GIT2: variants seen among roughly 807,000 people sequenced by gnomAD.
GIT2 encodes the protein ARF GTPase-activating protein GIT2.
In GIT2, 32 loss-of-function variants were observed where a neutral mutation model predicts 100.3. The observed-to-expected ratio is 0.32, with a 90% CI of 0.24 to 0.43. The LOEUF (loss-of-function observed/expected upper bound fraction) is 0.43. GIT2 is among the 20% of genes least tolerant of loss of function. The pLI is 1.00. For synonymous variants in GIT2, 353 were observed against 364.1 expected (o/e 0.97, Z 0.35); for missense variants, 737 against 975.1 (o/e 0.76, Z 3.25).
intron 7 of GIT2, among the ~76,000 whole-genome samples, chr12:109,977,517 A>C (rs1246935885): frequency 2.0e-5 from 3 of 152,000 alleles, no homozygotes; most frequent in Non-Finnish European, 4.4e-5. Context: ...TCTCAAAATA[A>C]TAATAATAAT....
At chr12:109,998,483 G>A (rs915559728), upstream of GIT2, 1 of 152,274 alleles carries the variant, frequency 6.6e-6, no homozygotes, top group Non-Finnish European at 1.5e-5. Context: ...CTGAGCTGAA[G>A]CAGCAGCAGA....
intron 4 of GIT2, among the ~76,000 whole-genome samples, chr12:109,984,283 G>A (rs900555884): frequency 2.6e-5 from 4 of 151,978 alleles, no homozygotes; most frequent in Admixed American, 1.3e-4. Context: ...GGTGGCATGC[G>A]CACCTGTAGT....
intron 18 of GIT2, 94 bp downstream of exon 18, chr12:109,938,286 T>A: frequency 1.2e-6 from 1 of 833,630 alleles, no homozygotes; most frequent in Non-Finnish European, 1.9e-6. Flanking sequence ...GAAGTCAGCA[T>A]GCTGGGAATA....
Position 109,948,897 on chromosome 12 carries a change from T to C in GIT2, c.1393-1393A>G, listed in dbSNP as rs1592987971. 7.6e-7 allele frequency: 1 copy of C among 1,323,306 alleles called. No individual in the cohort carries two copies. The highest frequency in any genetic ancestry group is 2.3e-5 in the East Asian group (1 of 43,322). The allele number at this position is 1,323,306 out of a possible 1,614,324, so 82.0% of individuals were successfully genotyped here. On this transcript the variant is annotated intron_variant, in intron 14 of 19. Transcript: ENST00000355312. The surrounding 1 kb of genome is among the most constrained non-coding windows in gnomAD (Gnocchi z 4.3). ...AAATCATGCTACTTTGTCAACTTTA[T>C]GTATATTAAAAACTTTACCCAACTT...
upstream of GIT2, chr12:109,997,391 C>T (rs1455670675): frequency 2.6e-5 from 4 of 151,918 alleles, no homozygotes; most frequent in Non-Finnish European, 5.9e-5. Flanking sequence ...ACAACTTCAA[C>T]AACAACAACA....
intron 12 of GIT2, among the ~76,000 whole-genome samples, chr12:109,956,557 T>C (rs79623188): frequency 0.016 from 2,495 of 152,310 alleles, 37 homozygotes; most frequent in South Asian, 0.053. Context: ...GCTGTATTAA[T>C]TTTGAGGTCA....
At chr12:109,978,122 G>GC (rs1384933428) in intron 7 of GIT2, among the ~76,000 whole-genome samples, 1 of 109,972 alleles carries the variant, frequency 9.1e-6, no homozygotes, top group Non-Finnish European at 1.7e-5. Context: ...TCGCTCTGTT[G>GC]CCCAGGTTGG....
At chr12:109,970,524 A>C (rs972527661) in intron 7 of GIT2, among the ~76,000 whole-genome samples, 6 of 152,046 alleles carry the variant, frequency 3.9e-5, no homozygotes, top group African/African-American at 1.4e-4. Flanking sequence ...AACAACAAAA[A>C]ACTATCCTTC....
rs1871595382 is a variant in GIT2 at position 109,931,300 on chromosome 12, G to C, written c.*1678C>G. ...GACAGCAACATAACACACAGGGTTG[G>C]CCGGCTCCATTACGGGTAAGACTCA... is the stretch of plus-strand genomic sequence containing the variant. On this transcript the variant is annotated 3_prime_UTR_variant, in exon 20 of 20. Coordinates refer to ENST00000355312, the MANE Select transcript of GIT2 (RefSeq NM_057169.5). The C allele has an allele frequency of 6.6e-6, 1 of 152,270 alleles. No individual in the cohort carries two copies. Among genetic ancestry groups the C allele is most frequent in the Non-Finnish European group, 1.5e-5 (1 of 68,112 alleles). 9.4% of individuals were successfully genotyped at this position (152,270 alleles called of 1,614,324 possible).
chr12:109,951,960 G>C (rs1877986174), intron 13 of GIT2, among the ~76,000 whole-genome samples: 1 of 152,176 alleles, frequency 6.6e-6, no homozygotes, highest in Admixed American at 6.5e-5. Context: ...CAGCTAGAGG[G>C]AGCAGGTGTG....
chr12:109,948,782 CA>C lies in GIT2; in HGVS notation c.1393-1279del. The C allele has an allele frequency of 6.3e-7, 1 of 1,589,082 alleles. No individual in the cohort carries two copies. The highest frequency in any genetic ancestry group is 8.5e-7 in the Non-Finnish European group (1 of 1,171,840). Reference sequence around the variant, plus strand: ...CTTTCAATTTTTATTTAGAAAGCACCAATCTGTGAAAAATACACCAATAGTA... The same window carrying C: ...CTTTCAATTTTTATTTAGAAAGCACCATCTGTGAAAAATACACCAATAGTA... On this transcript the variant is annotated intron_variant, in intron 14 of 19. Coordinates refer to ENST00000355312, the MANE Select transcript of GIT2 (RefSeq NM_057169.5). The surrounding 1 kb of genome is among the most constrained non-coding windows in gnomAD (Gnocchi z 4.3).
rs574840246 is a variant in GIT2 at position 109,929,925 on chromosome 12, T to C, written c.*3053A>G. On this transcript the variant is annotated 3_prime_UTR_variant, in exon 20 of 20. Coordinates refer to ENST00000355312, the MANE Select transcript of GIT2 (RefSeq NM_057169.5). ...ACAATAAAAAGTACAGAATAATGAG[T>C]GACAGGGATCAAACACGTTGGAATA... 1.3e-5 allele frequency: 2 copies of C among 152,636 alleles called. No individual in the cohort carries two copies. The highest frequency in any genetic ancestry group is 2.9e-5 in the Non-Finnish European group (2 of 68,016). 9.5% of individuals were successfully genotyped at this position (152,636 alleles called of 1,614,324 possible). A position where few individuals can be genotyped will look rare whatever the true frequency, so the allele number is the denominator to read the frequency against.
At chr12:109,941,305 G>A (rs1874612560) in intron 16 of GIT2, among the ~76,000 whole-genome samples, 1 of 152,146 alleles carries the variant, frequency 6.6e-6, no homozygotes, top group African/African-American at 2.4e-5. Context: ...CAACTTTGAT[G>A]ATCCCTTTGT....
At chr12:109,958,481 G>C (rs532854997) in intron 12 of GIT2, among the ~76,000 whole-genome samples, 9 of 152,082 alleles carry the variant, frequency 5.9e-5, no homozygotes, top group Admixed American at 2.6e-4. Flanking sequence ...GACCTCAAAT[G>C]ATCTGTCCGC....
At chr12:109,957,717 A>G (rs966399461) in intron 12 of GIT2, among the ~76,000 whole-genome samples, 1 of 152,066 alleles carries the variant, frequency 6.6e-6, no homozygotes, top group Non-Finnish European at 1.5e-5. Flanking sequence ...CGTGTTAGCC[A>G]GGATGGTCTC....
In GIT2 at chr12:109,962,398, A is replaced by G. The variant is rs1881319873; in HGVS notation, c.817-713T>C. 6.6e-6 allele frequency among the ~76,000 whole-genome samples: 1 copy of G among 152,220 alleles called. No homozygotes were observed. Among genetic ancestry groups the G allele is most frequent in the South Asian group, 2.1e-4 (1 of 4,834 alleles). On this transcript the variant is annotated intron_variant, in intron 9 of 19. Transcript: ENST00000355312. This position sits in a 1 kb window ranked among gnomAD's most constrained non-coding sequence, Gnocchi z 4.3. ...AAAAGACATGCTGTTTTGAGAGGAT[A>G]AAATGTGCCCTTGCACAAAAACGTG...
chr12:109,965,886 G>T, intron 8 of GIT2: 1 of 460,540 alleles, frequency 2.2e-6, no homozygotes, highest in Non-Finnish European at 4.2e-6. Context: ...AATTTTTGAA[G>T]TATTAAAAAA....
intron 18 of GIT2, among the ~76,000 whole-genome samples, chr12:109,935,466 A>G (rs1269983062): frequency 1.3e-5 from 2 of 152,114 alleles, no homozygotes; most frequent in African/African-American, 4.8e-5. Flanking sequence ...GCTCACTGCA[A>G]CCTCCGCCTC....
At chr12:109,977,913 G>A (rs1332217317) in intron 7 of GIT2, among the ~76,000 whole-genome samples, 1 of 151,966 alleles carries the variant, frequency 6.6e-6, no homozygotes, top group Non-Finnish European at 1.5e-5. Flanking sequence ...TTCTATATAT[G>A]TTATGTGTCA....
Sources: gnomAD v4.1 joint callset for allele counts (sites outside exome capture counted in the v4.1 genomes callset) on GRCh38, gnomAD v4.1.1 for gene constraint, Gnocchi (gnomAD v3.1) non-coding constraint, MANE v1.5 for transcripts, NCBI Gene and HGNC (gene_info 2026-07-23, HGNC 2026-07-21) for gene names.